EXOC6B: variants seen among roughly 807,000 people sequenced by gnomAD.
EXOC6B encodes the protein SEC15 homolog B.
A neutral mutation model predicts 113.5 loss-of-function variants in EXOC6B; 54 were observed. That is an observed-to-expected ratio of 0.48 (90% CI 0.38 to 0.60). The LOEUF is 0.60. Among genes scored for constraint, EXOC6B ranks in the 20% least tolerant of loss-of-function variants. The pLI, the probability that EXOC6B is intolerant of heterozygous loss-of-function variation, is 0.00. For missense variants in EXOC6B, 797 were observed against 977.5 expected (o/e 0.82, Z 2.46); for synonymous variants, 357 against 339.0 (o/e 1.05, Z -0.58).
intron 1 of EXOC6B, among the ~76,000 whole-genome samples, chr2:72,755,291 C>T (rs1409649315): frequency 6.6e-6 from 1 of 152,152 alleles, no homozygotes; most frequent in Non-Finnish European, 1.5e-5. Context: ...AAGCACAGTT[C>T]ATGTCCTTTT....
At chr2:72,363,440 G>A (rs1434102850) in intron 19 of EXOC6B, among the ~76,000 whole-genome samples, 1 of 152,042 alleles carries the variant, frequency 6.6e-6, no homozygotes, top group Admixed American at 6.6e-5. Flanking sequence ...AGCCATAGAA[G>A]TTTCACAGAC....
At chr2:72,427,146 G>A (rs1695243067) in intron 18 of EXOC6B, among the ~76,000 whole-genome samples, 1 of 152,186 alleles carries the variant, frequency 6.6e-6, no homozygotes, top group African/African-American at 2.4e-5. Flanking sequence ...AGCCCCCCTG[G>A]AGCCAGCCGC....
At chr2:72,320,426 T>TA (rs1687785532) in intron 20 of EXOC6B, among the ~76,000 whole-genome samples, 1 of 152,016 alleles carries the variant, frequency 6.6e-6, no homozygotes. Flanking sequence ...GACCAACACA[T>TA]ATGTGGTGAA....
chr2:72,773,120 C>CTTTTTTTTTTTTTTTTTTTTTTTTTTTT (rs1254377634), intron 1 of EXOC6B, among the ~76,000 whole-genome samples: 1 of 94,892 alleles, frequency 1.1e-5, no homozygotes, highest in African/African-American at 4.7e-5. Context: ...CTTAGATTTT[C>CTTTTTTTTTTTTTTTTTTTTTTTTTTTT]TTTTTTTTTT....
intron 1 of EXOC6B, among the ~76,000 whole-genome samples, chr2:72,778,555 T>TG (rs1573781792): frequency 6.6e-6 from 1 of 152,192 alleles, no homozygotes; most frequent in East Asian, 1.9e-4. Context: ...TGTATACTAG[T>TG]TACCAAAAAA....
intron 20 of EXOC6B, among the ~76,000 whole-genome samples, chr2:72,268,756 G>A (rs1402396094): frequency 6.6e-6 from 1 of 151,926 alleles, no homozygotes; most frequent in African/African-American, 2.4e-5. Context: ...TTATTTAAAG[G>A]AGTGTGGCAC....
At chr2:72,761,631 G>C (rs1200445635) in intron 1 of EXOC6B, among the ~76,000 whole-genome samples, 1 of 151,988 alleles carries the variant, frequency 6.6e-6, no homozygotes, top group African/African-American at 2.4e-5. Flanking sequence ...AATAGACACT[G>C]TTTTCTCAGA....
At chr2:72,719,820 T>C (rs1437408128) in intron 5 of EXOC6B, among the ~76,000 whole-genome samples, 3 of 152,178 alleles carry the variant, frequency 2.0e-5, no homozygotes, top group South Asian at 4.1e-4. Context: ...AGATGGTAAC[T>C]TGAATTCACA....
At chr2:72,757,497 T>G (rs1389262831) in intron 1 of EXOC6B, among the ~76,000 whole-genome samples, 1 of 152,172 alleles carries the variant, frequency 6.6e-6, no homozygotes, top group Non-Finnish European at 1.5e-5. Flanking sequence ...CCCAAATGAA[T>G]TAGTGCCAAC....
intron 17 of EXOC6B, among the ~76,000 whole-genome samples, chr2:72,471,343 A>G (rs199637848): frequency 2.6e-5 from 4 of 151,882 alleles, no homozygotes; most frequent in Non-Finnish European, 4.4e-5. Context: ...GTTTGAGTTT[A>G]TTGTAGATTC....
intron 6 of EXOC6B, among the ~76,000 whole-genome samples, chr2:72,707,455 C>A (rs1678959901): frequency 6.6e-6 from 1 of 151,438 alleles, no homozygotes; most frequent in Non-Finnish European, 1.5e-5. Context: ...GCTCTGTCAC[C>A]CAGGCTAGAG....
intron 8 of EXOC6B, among the ~76,000 whole-genome samples, chr2:72,533,636 T>G (rs2105763827): frequency 6.6e-6 from 1 of 152,330 alleles, no homozygotes; most frequent in African/African-American, 2.4e-5. Context: ...GATTTCCAAG[T>G]TCTTGCCAAT....
intron 8 of EXOC6B, among the ~76,000 whole-genome samples, chr2:72,531,277 A>G (rs1701987366): frequency 1.3e-5 from 2 of 152,158 alleles, no homozygotes; most frequent in South Asian, 4.1e-4. Context: ...CATTATATAG[A>G]CATAATTTAC....
intron 20 of EXOC6B, among the ~76,000 whole-genome samples, chr2:72,267,399 T>C (rs1412455202): frequency 6.6e-6 from 1 of 152,210 alleles, no homozygotes; most frequent in African/African-American, 2.4e-5. Flanking sequence ...GGGTTTGTCA[T>C]AGATAGCTCT....
rs76719162 is a variant in EXOC6B, at chr2:72,515,981, G to A, written c.916-855C>T. On this transcript the variant is annotated intron_variant, in intron 8 of 21. Coordinates refer to ENST00000272427, the MANE Select transcript of EXOC6B (RefSeq NM_015189.3). Reference sequence around the variant, plus strand: ...AGGCAGAGAATAGAGTGATGCAGCTGCAAGCCAGGGAACATCAGAGATTGT... The same window carrying A: ...AGGCAGAGAATAGAGTGATGCAGCTACAAGCCAGGGAACATCAGAGATTGT... Among the ~76,000 whole-genome samples the A allele has an allele frequency of 6.6e-5, 10 of 152,256 alleles. No individual in the cohort carries two copies. The East Asian group carries it at 1.9e-3, about 29-fold the overall frequency.
intron 6 of EXOC6B, among the ~76,000 whole-genome samples, chr2:72,654,288 G>A (rs1053416904): frequency 8.5e-5 from 13 of 152,292 alleles, no homozygotes; most frequent in African/African-American, 2.9e-4. Context: ...TGCTTTTAGA[G>A]ATCAGATTTT....
intron 20 of EXOC6B, among the ~76,000 whole-genome samples, chr2:72,233,876 T>C (rs1681789624): frequency 6.6e-6 from 1 of 152,132 alleles, no homozygotes; most frequent in African/African-American, 2.4e-5. Context: ...AGGTGGGCAA[T>C]GCCTGCTAGA....
chr2:72,730,933 A>C (rs1680598377), intron 5 of EXOC6B, 74 bp downstream of exon 5: 1 of 1,019,790 alleles, frequency 9.8e-7, no homozygotes, highest in Admixed American at 3.0e-5. Context: ...GTTATGCTAA[A>C]TATGGACCTA....
chr2:72,600,342 T>A (rs545008736), intron 6 of EXOC6B, among the ~76,000 whole-genome samples: 1 of 148,972 alleles, frequency 6.7e-6, no homozygotes, highest in South Asian at 2.1e-4. Flanking sequence ...CTGGGGAGGA[T>A]GAGGTGGGCG....
Sources: gnomAD v4.1 joint callset for allele counts (sites outside exome capture counted in the v4.1 genomes callset) on GRCh38, gnomAD v4.1.1 for gene constraint, MANE v1.5 for transcripts, NCBI Gene and HGNC (gene_info 2026-07-23, HGNC 2026-07-21) for gene names.